Variants in CEP295 observed in about 807,000 individuals in gnomAD.
CEP295 encodes centrosomal protein 295, also known as centrosomal protein of 295 kDa.
CEP295 carries 190 observed loss-of-function variants against 291.6 expected under a neutral mutation model. The observed-to-expected ratio is 0.65, with a 90% CI of 0.58 to 0.73. CEP295 has a LOEUF of 0.73. Among genes scored for constraint, CEP295 ranks in the 30% least tolerant of loss-of-function variants. The pLI is 0.00. For missense variants in CEP295, 2,863 were observed against 2,949.4 expected, an observed-to-expected ratio of 0.97 and a Z score of 0.68; for synonymous variants, 993 against 1,038.8, an observed-to-expected ratio of 0.96 and a Z score of 0.85.
chr11:93,689,342 C>T (rs894736889), intron 10 of CEP295, among the ~76,000 whole-genome samples: 2 of 152,314 alleles, frequency 1.3e-5, no homozygotes, highest in East Asian at 3.9e-4. Context: ...TACTCCCATA[C>T]TCACTACCTC....
At chr11:93,702,414 T>C (rs1286472123) in intron 15 of CEP295, 46 bp from the exon 16 acceptor site, 1 of 1,315,232 alleles carries the variant, frequency 7.6e-7, no homozygotes, top group East Asian at 2.6e-5. Context: ...ATGCTTCACA[T>C]GATCCCCCAA....
chr11:93,703,833 A>G (rs895837597), intron 17 of CEP295, among the ~76,000 whole-genome samples: 1 of 149,708 alleles, frequency 6.7e-6, no homozygotes, highest in Non-Finnish European at 1.5e-5. Flanking sequence ...CAGTGGCGCA[A>G]TCTCGGCTCA....
At chr11:93,675,904 CT>C (rs1037125573) in intron 6 of CEP295, among the ~76,000 whole-genome samples, 1 of 151,874 alleles carries the variant, frequency 6.6e-6, no homozygotes, top group Admixed American at 6.6e-5. Flanking sequence ...GATTTTAAAG[CT>C]TTTTTTATCA....
Position 93,697,118 on chromosome 11 carries a change from G to T in CEP295, c.2206G>T (p.Ala736Ser). The change falls in exon 15 of 30, where the codon GCT becomes TCT. Residue 736 changes from alanine to serine, a missense_variant. Ala to Ser is a moderately conservative substitution (Grantham distance 99). Coordinates refer to ENST00000325212, the MANE Select transcript of CEP295 (RefSeq NM_033395.2). The stretch of plus-strand genomic sequence containing the variant: ...CAAAGATTCTGAGACACTTTCAAGG[G>T]CTTTGTCACATGACAGGCAGCTAAT... ...VPKDSETLSR[A>S]LSHDRQLISQ... 3 of 1,551,740 alleles carry T rather than the reference G, an allele frequency of 1.9e-6. No homozygotes were observed. Among genetic ancestry groups the T allele is most frequent in the Admixed American group, 2.0e-5 (1 of 51,006 alleles).
intron 12 of CEP295, among the ~76,000 whole-genome samples, chr11:93,692,789 C>A (rs1199185459): frequency 6.6e-6 from 1 of 150,598 alleles, no homozygotes; most frequent in African/African-American, 2.4e-5. Flanking sequence ...CCTGGCCAAC[C>A]TGGTGAAACC....
At position 93,702,878 on chromosome 11, in the gene CEP295, A is replaced by G; in HGVS notation, c.5555A>G (p.Gln1852Arg). Reference sequence around the variant, plus strand: ...AACCAGCATGAACTTAGTGCTATACAAGAAGTAGAGTCACCAGCAATTGGC... The same window carrying G: ...AACCAGCATGAACTTAGTGCTATACGAGAAGTAGAGTCACCAGCAATTGGC... ...DLNQHELSAI[Q>R]EVESPAIGRT... Residue 1852 changes from glutamine to arginine, a missense_variant, in exon 17 of 30, where the codon CAA (glutamine) becomes CGA (arginine). By Grantham distance (43) the Gln-to-Arg change is conservative (BLOSUM62 1). Around this residue, in one of 3 missense-constraint regions of CEP295, gnomAD observed 2,295 missense variants for 2,335.7 expected, o/e 0.98. Transcript: ENST00000325212. 6.4e-7 allele frequency: 1 copy of G among 1,551,638 alleles called. No homozygotes were observed. The highest frequency in any genetic ancestry group is 8.7e-7 in the Non-Finnish European group (1 of 1,146,914).
chr11:93,669,082 CAG>C (rs955814302), intron 4 of CEP295, 150 bp downstream of exon 4: 3 of 528,268 alleles, frequency 5.7e-6, no homozygotes, highest in Non-Finnish European at 3.3e-6. Context: ...ATGTTGGGGA[CAG>C]GGAATGATTT....
At chr11:93,726,152 C>CT (rs906540168) in intron 23 of CEP295, among the ~76,000 whole-genome samples, 39 of 152,072 alleles carry the variant, frequency 2.6e-4, no homozygotes, top group African/African-American at 9.2e-4. Context: ...TTTTTGAAGA[C>CT]TGAGTTTCAC....
intron 17 of CEP295, among the ~76,000 whole-genome samples, chr11:93,704,494 C>A (rs764061344): frequency 6.6e-6 from 1 of 152,040 alleles, no homozygotes; most frequent in Non-Finnish European, 1.5e-5. Flanking sequence ...GTAGGAGGCT[C>A]ACTTGAGCCC....
At chr11:93,667,930 CT>C (rs758443268) in intron 3 of CEP295, 123 bp downstream of exon 3, 135 of 669,120 alleles carry the variant, frequency 2.0e-4, no homozygotes, top group Non-Finnish European at 3.2e-4. Flanking sequence ...GCAGCTTGAA[CT>C]TTTTTATAAA....
intron 25 of CEP295, 142 bp from the exon 26 acceptor site, chr11:93,729,292 A>G (rs747646267): frequency 1.3e-5 from 8 of 639,340 alleles, no homozygotes; most frequent in Non-Finnish European, 2.2e-5. Flanking sequence ...AAAATCAGGC[A>G]TGGTGGCGGG....
chr11:93,723,223 T>C lies in CEP295; in HGVS notation c.6130T>C (p.Phe2044Leu), dbSNP rs762763980. Reference sequence around the variant, plus strand: ...TGAAACTACATGTGGTCACACACACTTTCAGCAAATGATAGACAAGTACAT... The same window carrying C: ...TGAAACTACATGTGGTCACACACACCTTCAGCAAATGATAGACAAGTACAT... Reference protein sequence around the residue: ...VDETTCGHTHFQQMIDKYINE... With the variant: ...VDETTCGHTHLQQMIDKYINE... The change falls in exon 21 of 30, where the codon TTT becomes CTT. Residue 2044 changes from phenylalanine to leucine, a missense_variant. Around this residue, in one of 3 missense-constraint regions of CEP295, gnomAD observed 2,295 missense variants for 2,335.7 expected, o/e 0.98. Transcript: ENST00000325212. 7 of 1,551,144 alleles carry C rather than the reference T, an allele frequency of 4.5e-6. No individual in the cohort carries two copies. Among genetic ancestry groups the C allele is most frequent in the Non-Finnish European group, 6.1e-6 (7 of 1,146,530 alleles).
chr11:93,721,683 TGTG>T, intron 19 of CEP295: 1 of 738,028 alleles, frequency 1.4e-6, no homozygotes, highest in South Asian at 1.4e-5. Context: ...TGTGTGTGTG[TGTG>T]TGTGTGTGTG....
In CEP295 at chr11:93,683,670, C is replaced by A. The variant is rs376522836; in HGVS notation, c.877C>A (p.Arg293Ser). Residue 293 changes from arginine to serine, a missense_variant, in exon 8 of 30, where the codon CGC (arginine) becomes AGC (serine). This residue lies in a region of CEP295 where 554 missense variants were observed against 576.0 expected (regional missense o/e 0.96). Coordinates refer to ENST00000325212, the MANE Select transcript of CEP295 (RefSeq NM_033395.2). ...PPQLVELPYK[R>S]SEMKEDWQRE... Reference sequence around the variant, plus strand: ...ACAACTAGTTGAACTTCCATACAAACGCAGTGAAATGAAAGAAGACTGGCA... The same window carrying A: ...ACAACTAGTTGAACTTCCATACAAAAGCAGTGAAATGAAAGAAGACTGGCA... 7 of 1,550,090 alleles carry A rather than the reference C, an allele frequency of 4.5e-6. No individual in the cohort carries two copies. Among genetic ancestry groups the A allele is most frequent in the Non-Finnish European group, 6.1e-6 (7 of 1,146,634 alleles).
chr11:93,662,770 G>A (rs1950045357), intron 1 of CEP295, among the ~76,000 whole-genome samples: 1 of 152,184 alleles, frequency 6.6e-6, no homozygotes, highest in African/African-American at 2.4e-5. Context: ...ATGATGAAAA[G>A]CATATTTCTG....
Position 93,725,729 on chromosome 11 carries a change from A to T in CEP295, c.6397A>T (p.Thr2133Ser). 1 of 1,551,844 alleles carries T rather than the reference A, an allele frequency of 6.4e-7. No homozygotes were observed. Among genetic ancestry groups the T allele is most frequent in the Non-Finnish European group, 8.7e-7 (1 of 1,146,966 alleles). ...STVYFTALRR[T>S]SMHSSLNTSP... Reference sequence around the variant, plus strand: ...AGTTTATTTCACAGCACTGAGGAGGACCAGCATGCATTCTTCTCTTAACAC... The same window carrying T: ...AGTTTATTTCACAGCACTGAGGAGGTCCAGCATGCATTCTTCTCTTAACAC... The change falls in exon 23 of 30, where the codon ACC (threonine) becomes TCC (serine). Residue 2133 changes from threonine to serine, a missense_variant. Thr to Ser is a moderately conservative substitution (Grantham distance 58, BLOSUM62 1). This residue lies in a region of CEP295 where 2,295 missense variants were observed against 2,335.7 expected (regional missense o/e 0.98). Coordinates refer to ENST00000325212, the MANE Select transcript of CEP295 (RefSeq NM_033395.2).
At chr11:93,669,630 A>G (rs1282228004) in intron 4 of CEP295, 47 bp from the exon 5 acceptor site, 13 of 1,240,522 alleles carry the variant, frequency 1.0e-5, no homozygotes, top group Non-Finnish European at 1.5e-5. Flanking sequence ...GTTGTACTAT[A>G]ATATTATCAC....
intron 24 of CEP295, 176 bp downstream of exon 24, chr11:93,727,813 C>G: frequency 1.9e-6 from 1 of 523,414 alleles, no homozygotes; most frequent in Non-Finnish European, 3.3e-6. Context: ...ACCACAATGC[C>G]TGGCAGGAAA....
chr11:93,681,539 C>A (rs1950965824), intron 7 of CEP295, among the ~76,000 whole-genome samples: 1 of 149,380 alleles, frequency 6.7e-6, no homozygotes, highest in Admixed American at 6.7e-5. Flanking sequence ...CCTTGGCCTC[C>A]CAAGTAGCTG....
Sources: allele counts gnomAD v4.1 joint callset (sites outside exome capture counted in the v4.1 genomes callset), GRCh38; gene constraint gnomAD v4.1.1; regional missense constraint gnomAD v4.1.1; transcripts MANE v1.5; gene names NCBI Gene and HGNC (gene_info 2026-07-23, HGNC 2026-07-21).